The following DNAH3 variants were observed in gnomAD, a reference collection of about 807,000 sequenced individuals.
DNAH3 encodes dynein axonemal heavy chain 3.
A neutral mutation model predicts 432.5 loss-of-function variants in DNAH3; 332 were observed. The ratio of observed to expected loss-of-function variants is 0.77; its 90% confidence interval spans 0.70 to 0.84. DNAH3 has a LOEUF of 0.84. Ranked by LOEUF, DNAH3 falls within the 40% of genes least tolerant of loss-of-function variation. The pLI is 0.00. For synonymous variants in DNAH3, 1,956 were observed against 1,900.2 expected, an observed-to-expected ratio of 1.03 and a Z score of -0.76; for missense variants, 4,861 against 5,114.0, an observed-to-expected ratio of 0.95 and a Z score of 1.51.
chr16:21,020,082 G>A (rs1055989844), intron 40 of DNAH3, among the ~76,000 whole-genome samples: 3 of 149,086 alleles, frequency 2.0e-5, no homozygotes, highest in Non-Finnish European at 4.4e-5. Flanking sequence ...GTGCAGTGGT[G>A]CAGTCACAGC....
intron 43 of DNAH3, among the ~76,000 whole-genome samples, chr16:20,998,950 C>A (rs2086891867): frequency 6.6e-6 from 1 of 151,968 alleles, no homozygotes; most frequent in Non-Finnish European, 1.5e-5. Context: ...TCACAATATA[C>A]CTAGGGTTAA....
chr16:21,143,561 G>C (rs1567868166), intron 3 of DNAH3, among the ~76,000 whole-genome samples: 1 of 152,116 alleles, frequency 6.6e-6, no homozygotes, highest in African/African-American at 2.4e-5. Context: ...TGTTATAGCA[G>C]CCCAAAAGGA....
At chr16:20,971,656 G>C (rs549113220) in intron 51 of DNAH3, among the ~76,000 whole-genome samples, 1 of 152,146 alleles carries the variant, frequency 6.6e-6, no homozygotes, top group Non-Finnish European at 1.5e-5. Flanking sequence ...GTGTAGTGGG[G>C]CGTCCTGGGT....
At chr16:21,098,504 A>C in intron 17 of DNAH3, 112 bp downstream of exon 17, 2 of 1,125,542 alleles carry the variant, frequency 1.8e-6, no homozygotes, top group Non-Finnish European at 2.5e-6. Flanking sequence ...CCAATGAGTT[A>C]ACCAATACTA....
intron 41 of DNAH3, among the ~76,000 whole-genome samples, chr16:21,013,871 C>T (rs978626431): frequency 6.6e-6 from 1 of 152,138 alleles, no homozygotes; most frequent in Non-Finnish European, 1.5e-5. Flanking sequence ...ACATGATTTA[C>T]ATGATTCACA....
chr16:21,059,071 A>AATTTATTAAATAT (rs2090246027), intron 26 of DNAH3, among the ~76,000 whole-genome samples: 1 of 152,218 alleles, frequency 6.6e-6, no homozygotes, highest in South Asian at 2.1e-4. Context: ...ATATTGTCTG[A>AATTTATTAAATAT]TGCTTTTGTG....
chr16:20,969,322 G>GTGTATA (rs1474753028), intron 52 of DNAH3, among the ~76,000 whole-genome samples: 4 of 152,096 alleles, frequency 2.6e-5, no homozygotes, highest in Non-Finnish European at 5.9e-5. Flanking sequence ...GCATGCATGC[G>GTGTATA]TGTATAGGTG....
Position 21,122,024 on chromosome 16 carries a change from T to C in DNAH3, c.1505A>G (p.Asn502Ser), listed in dbSNP as rs1400885055. Reference sequence around the variant, plus strand: ...TTCCCAGCAGCCATCAAAAGATGGATTGAAGACAATAATGGGTTCACTGAC... The same window carrying C: ...TTCCCAGCAGCCATCAAAAGATGGACTGAAGACAATAATGGGTTCACTGAC... The change falls in exon 10 of 62, where the codon AAT becomes AGT. Residue 502 changes from asparagine (N) to serine (S), a missense_variant. Asn to Ser is a conservative substitution (Grantham distance 46). Transcript: ENST00000261383. The C allele has an allele frequency of 6.2e-7, 1 of 1,613,930 alleles. No homozygotes were observed. Among genetic ancestry groups the C allele is most frequent in the Non-Finnish European group, 8.5e-7 (1 of 1,179,926 alleles).
intron 7 of DNAH3, chr16:21,130,105 A>C (rs1051764271): frequency 1.3e-5 from 2 of 151,296 alleles, no homozygotes; most frequent in African/African-American, 2.4e-5. Flanking sequence ...AAAAAAAAAA[A>C]AAAACAAATG....
intron 28 of DNAH3, among the ~76,000 whole-genome samples, chr16:21,053,661 G>A (rs547483757): frequency 1.1e-4 from 17 of 152,252 alleles, no homozygotes; most frequent in African/African-American, 3.1e-4. Flanking sequence ...AGATTGAAGT[G>A]AGCATTAACC....
intron 31 of DNAH3, among the ~76,000 whole-genome samples, chr16:21,042,843 C>T (rs945688266): frequency 1.3e-5 from 2 of 152,134 alleles, no homozygotes; most frequent in Admixed American, 6.5e-5. Context: ...CACAACGGTC[C>T]CCAGAGTGTG....
intron 52 of DNAH3, 128 bp downstream of exon 52, chr16:20,969,660 CCTTT>C (rs202243931): frequency 2.0e-6 from 2 of 1,016,214 alleles, no homozygotes; most frequent in Non-Finnish European, 1.5e-6. Flanking sequence ...CAGCCTGGTT[CCTTT>C]CTTAATTCCT....
intron 54 of DNAH3, among the ~76,000 whole-genome samples, chr16:20,957,288 G>A (rs1296765485): frequency 6.6e-6 from 1 of 152,108 alleles, no homozygotes; most frequent in East Asian, 1.9e-4. Flanking sequence ...GCAACTACTT[G>A]TCATACAAAA....
intron 40 of DNAH3, among the ~76,000 whole-genome samples, chr16:21,021,486 C>G (rs747373483): frequency 6.6e-6 from 1 of 152,106 alleles, no homozygotes; most frequent in East Asian, 1.9e-4. Flanking sequence ...CAATGTCAGA[C>G]AAAGACTAAA....
intron 44 of DNAH3, among the ~76,000 whole-genome samples, chr16:20,989,068 G>A (rs1046280537): frequency 6.6e-5 from 10 of 152,194 alleles, no homozygotes; most frequent in South Asian, 2.1e-4. Flanking sequence ...TGCAAAGAGC[G>A]AAAGAACAAA....
intron 41 of DNAH3, among the ~76,000 whole-genome samples, chr16:21,005,183 T>C (rs1224496210): frequency 7.3e-5 from 11 of 151,326 alleles, no homozygotes; most frequent in Admixed American, 5.3e-4. Flanking sequence ...TTCTTTTTCT[T>C]TCTCTTTCTC....
chr16:21,069,678 G>A (rs1028447035), intron 22 of DNAH3, 84 bp from the exon 23 acceptor site: 146 of 1,165,542 alleles, frequency 1.3e-4, no homozygotes, highest in Middle Eastern at 6.0e-4. Flanking sequence ...GGATGGAGCC[G>A]TACATTTATT....
At chr16:21,025,440 CATTAT>C (rs905070579) in intron 38 of DNAH3, among the ~76,000 whole-genome samples, 2 of 146,072 alleles carry the variant, frequency 1.4e-5, no homozygotes, top group Non-Finnish European at 3.0e-5. Context: ...TATAGTATAA[CATTAT>C]ATTATATATA....
rs746736843 is a variant in DNAH3 at position 21,062,551 on chromosome 16, A to C, written c.3651T>G (p.Ile1217Met). 1.9e-6 allele frequency: 3 copies of C among 1,614,084 alleles called. No individual in the cohort carries two copies. In the Admixed American group the frequency reaches 5.0e-5, roughly 27 times the overall value. ...CTTTTTCCGAGCTGATCATGCCCACAATTTCCAGATTGTCTGTAAACTCAA... is the reference window on the plus strand; with the variant it reads ...CTTTTTCCGAGCTGATCATGCCCACCATTTCCAGATTGTCTGTAAACTCAA... Residue 1217 changes from isoleucine (I) to methionine (M), a missense_variant, in exon 25 of 62, where the codon ATT becomes ATG. Ile to Met is a conservative substitution (Grantham distance 10). Coordinates refer to ENST00000261383, the Ensembl canonical transcript of DNAH3.
Sources: gnomAD v4.1 joint callset for allele counts (sites outside exome capture counted in the v4.1 genomes callset) on GRCh38, gnomAD v4.1.1 for gene constraint, MANE v1.5 for transcripts, NCBI Gene and HGNC (gene_info 2026-07-23, HGNC 2026-07-21) for gene names.